ARHGAP23: variants seen among roughly 807,000 people sequenced by gnomAD.
ARHGAP23 encodes the protein rho GTPase-activating protein 23.
In ARHGAP23, 34 loss-of-function variants were observed where a neutral mutation model predicts 136.3. That is an observed-to-expected ratio of 0.25 (90% CI 0.19 to 0.33). The LOEUF (loss-of-function observed/expected upper bound fraction) is 0.33. ARHGAP23 is among the 10% of genes least tolerant of loss of function. The probability of loss-of-function intolerance (pLI) is 1.00; values close to 1 mark genes in which losing one functional copy is unlikely to be tolerated. For synonymous variants in ARHGAP23, 832 were observed against 920.5 expected (o/e 0.90, Z 1.74); for missense variants, 1,808 against 2,139.0 (o/e 0.85, Z 3.05).
intron 1 of ARHGAP23, among the ~76,000 whole-genome samples, chr17:38,448,858 CTTT>C (rs1241989813): frequency 8.1e-5 from 10 of 124,178 alleles, no homozygotes; most frequent in Admixed American, 2.4e-4. Context: ...GTTGCCCAGC[CTTT>C]TTTTTTTTTT....
Position 38,510,462 on chromosome 17 carries a change from C to A in ARHGAP23, c.3966C>A (p.Arg1322=), listed in dbSNP as rs2040733641. 3 of 1,206,366 alleles carry A rather than the reference C, an allele frequency of 2.5e-6. No individual in the cohort carries two copies. Among genetic ancestry groups the A allele is most frequent in the Non-Finnish European group, 3.1e-6 (3 of 972,260 alleles). The allele number at this position is 1,206,366 out of a possible 1,614,324, so 74.7% of individuals were successfully genotyped here. The change falls in exon 24 of 24, where the codon CGC becomes CGA. Residue 1322 remains arginine (R), a synonymous_variant. Transcript: ENST00000622683. This position sits in a 1 kb window ranked among gnomAD's most constrained non-coding sequence, Gnocchi z 4.6. ...LMPCDTLARR[R]LARGRPDGEG... ...CCTGCGACACTCTGGCGCGCCGCCG[C>A]CTGGCCCGGGGCCGCCCAGACGGCG...
intron 6 of ARHGAP23, among the ~76,000 whole-genome samples, chr17:38,464,888 G>A (rs963256738): frequency 7.9e-5 from 12 of 152,208 alleles, no homozygotes; most frequent in Non-Finnish European, 7.3e-5. Flanking sequence ...AGCCAAGGCT[G>A]GAGGCCAATC....
chr17:38,505,774 C>T (rs377551305), intron 23 of ARHGAP23, among the ~76,000 whole-genome samples: 1 of 152,060 alleles, frequency 6.6e-6, no homozygotes, highest in Non-Finnish European at 1.5e-5. Flanking sequence ...ACTAAAAATA[C>T]AAAATTAGCT....
chr17:38,481,155 AT>A (rs935693585), intron 14 of ARHGAP23, among the ~76,000 whole-genome samples: 2 of 114,432 alleles, frequency 1.7e-5, no homozygotes, highest in South Asian at 2.7e-4. Flanking sequence ...TTTTTTTTTT[AT>A]TTTTTTTTGA....
chr17:38,465,586 G>A (rs2039570629), intron 6 of ARHGAP23, among the ~76,000 whole-genome samples: 1 of 152,232 alleles, frequency 6.6e-6, no homozygotes. Flanking sequence ...TCCAGGCCCA[G>A]GGGTGGCAGA....
intron 16 of ARHGAP23, among the ~76,000 whole-genome samples, chr17:38,485,817 A>G (rs977017721): frequency 6.6e-6 from 1 of 152,148 alleles, no homozygotes; most frequent in African/African-American, 2.4e-5. Context: ...CTTTCTGTGC[A>G]TGGGGAGGTG....
rs111741635 is a variant in ARHGAP23, at chr17:38,469,678, C to T, written c.1916+43C>T. ...CACGGGGTGGGGTGGCCACAGCCAC[C>T]GTGGCCAGCTGCTCTGGGGCAGGGC... On this transcript the variant is annotated intron_variant, in intron 9 of 23. Coordinates refer to ENST00000622683, the MANE Select transcript of ARHGAP23 (RefSeq NM_001199417.2). 19,872 of 1,534,584 alleles carry T rather than the reference C, an allele frequency of 0.013. 2,283 individuals are homozygous for T. The African/African-American group carries it at 0.24, about 19-fold the overall frequency.
Position 38,469,534 on chromosome 17 carries a change from G to C in ARHGAP23, c.1815G>C (p.Lys605Asn). 3.9e-6 allele frequency: 6 copies of C among 1,548,252 alleles called. No individual in the cohort carries two copies. The highest frequency in any genetic ancestry group is 5.2e-6 in the Non-Finnish European group (6 of 1,146,616). ...TGGGCGGCTTTGCAGGCAGCATCAA[G>C]GCTGGCCGCCGCTCCTCCTACCTGC... ...RHYSQDCSSI[K>N]AGRRSSYLLA... is the part of the protein sequence containing the mutation. Residue 605 changes from lysine (K) to asparagine (N), a missense_variant, in exon 9 of 24, where the codon AAG becomes AAC. Lys to Asn is a moderately conservative substitution (Grantham distance 94). Around this residue, in one of 7 missense-constraint regions of ARHGAP23, gnomAD observed 859 missense variants for 936.4 expected, o/e 0.92. Coordinates refer to ENST00000622683, the MANE Select transcript of ARHGAP23 (RefSeq NM_001199417.2).
intron 20 of ARHGAP23, among the ~76,000 whole-genome samples, chr17:38,496,145 GC>G (rs2040386773): frequency 6.6e-6 from 1 of 152,048 alleles, no homozygotes; most frequent in African/African-American, 2.4e-5. Flanking sequence ...TGATCCGCCC[GC>G]CTCAGCCTCC....
chr17:38,507,709 G>A (rs948916086), intron 23 of ARHGAP23, among the ~76,000 whole-genome samples: 14 of 152,336 alleles, frequency 9.2e-5, no homozygotes, highest in Admixed American at 7.2e-4. Flanking sequence ...GATCCTAGCA[G>A]TGCAACCACA....
At chr17:38,469,711 C>T (rs2039699983) in intron 9 of ARHGAP23, 76 bp downstream of exon 9, 2 of 1,513,396 alleles carry the variant, frequency 1.3e-6, no homozygotes, top group Non-Finnish European at 1.8e-6. Flanking sequence ...GGCTCTTGGC[C>T]CTGGGGGTCC....
At position 38,511,658 on chromosome 17, in the gene ARHGAP23, G is replaced by A. The variant is rs2040767832; in HGVS notation, c.*686G>A. ...GGAGGCAGGACTGAAACCCTCACCA[G>A]GGTTACTCCCCAACATCCTTTTGCC... is the stretch of plus-strand genomic sequence containing the variant. On this transcript the variant is annotated 3_prime_UTR_variant, in exon 24 of 24. Coordinates refer to ENST00000622683, the MANE Select transcript of ARHGAP23 (RefSeq NM_001199417.2). The A allele has an allele frequency of 2.6e-5, 4 of 152,172 alleles. No homozygotes were observed. Among genetic ancestry groups the A allele is most frequent in the Non-Finnish European group, 4.4e-5 (3 of 68,078 alleles). 9.4% of individuals were successfully genotyped at this position (152,172 alleles called of 1,614,324 possible).
intron 1 of ARHGAP23, among the ~76,000 whole-genome samples, chr17:38,420,935 A>G (rs1417473135): frequency 6.6e-6 from 1 of 152,076 alleles, no homozygotes; most frequent in African/African-American, 2.4e-5. Context: ...TTTTTTTAAA[A>G]GAGGGGCAGG....
chr17:38,480,407 G>T lies in ARHGAP23; in HGVS notation c.2629+524G>T, dbSNP rs574742527. Among the ~76,000 whole-genome samples the T allele has an allele frequency of 9.2e-5, 14 of 152,302 alleles. No individual in the cohort carries two copies. In the South Asian group the frequency reaches 1.7e-3, roughly 18 times the overall value. ...CCAGCACTTTGGGAGGCCGAGGTGG[G>T]CGGATCACGAGGTCAGGAGATCGAG... On this transcript the variant is annotated intron_variant, in intron 14 of 23. Transcript: ENST00000622683.
At chr17:38,448,442 C>A (rs2039081558) in intron 1 of ARHGAP23, among the ~76,000 whole-genome samples, 1 of 152,114 alleles carries the variant, frequency 6.6e-6, no homozygotes, top group Admixed American at 6.5e-5. Flanking sequence ...TTACTTAATC[C>A]TCCCAACAAC....
intron 20 of ARHGAP23, among the ~76,000 whole-genome samples, chr17:38,494,405 C>T (rs555046077): frequency 1.5e-4 from 23 of 152,256 alleles, no homozygotes; most frequent in South Asian, 1.5e-3. Flanking sequence ...GCTGGGAACA[C>T]GGAGGTGAAT....
chr17:38,494,397 T>C (rs1185198457), intron 20 of ARHGAP23, among the ~76,000 whole-genome samples: 1 of 152,192 alleles, frequency 6.6e-6, no homozygotes, highest in African/African-American at 2.4e-5. Flanking sequence ...ATCCCCGTGC[T>C]GGGAACACGG....
chr17:38,489,482 C>T (rs1389782266), intron 17 of ARHGAP23, among the ~76,000 whole-genome samples: 1 of 151,842 alleles, frequency 6.6e-6, no homozygotes, highest in African/African-American at 2.4e-5. Context: ...CGCTTCCCCC[C>T]TTTCTAGCCT....
chr17:38,461,008 A>T, intron 3 of ARHGAP23, 76 bp downstream of exon 3: 3 of 1,510,862 alleles, frequency 2.0e-6, no homozygotes, highest in Non-Finnish European at 2.6e-6. Context: ...TCCTCCCCTA[A>T]GACTGCCTGT....
Sources: gnomAD v4.1 joint callset for allele counts (sites outside exome capture counted in the v4.1 genomes callset) on GRCh38, gnomAD v4.1.1 for gene constraint, gnomAD v4.1.1 regional missense constraint, Gnocchi (gnomAD v3.1) non-coding constraint, MANE v1.5 for transcripts, NCBI Gene and HGNC (gene_info 2026-07-23, HGNC 2026-07-21) for gene names.